Variants in PRKCA observed in about 807,000 individuals in gnomAD.
PRKCA encodes the protein protein kinase C alpha, also known as protein kinase C alpha type.
Under a neutral mutation model 87.0 loss-of-function variants are expected in PRKCA, and 27 were observed. That is an observed-to-expected ratio of 0.31 (90% CI 0.23 to 0.43). PRKCA has a LOEUF of 0.43. Among genes scored for constraint, PRKCA ranks in the 20% least tolerant of loss-of-function variants. PRKCA has a pLI of 1.00. For synonymous variants in PRKCA, 329 were observed against 311.1 expected (o/e 1.06, Z -0.61); for missense variants, 518 against 852.3 (o/e 0.61, Z 4.88).
rs779575611 is a variant in PRKCA, at chr17:66,579,481, G to A, written c.289-61874G>A. 2.1e-4 allele frequency among the ~76,000 whole-genome samples: 32 copies of A among 152,204 alleles called. 1 individual carries two copies. The highest frequency in any genetic ancestry group is 3.5e-4 in the Non-Finnish European group (24 of 68,032). On this transcript the variant is annotated intron_variant, in intron 3 of 16. Coordinates refer to ENST00000413366, the MANE Select transcript of PRKCA (RefSeq NM_002737.3). ...GGTTTACCGTGTCAGGCACGGGTCT[G>A]TGTTACCTCATCACGTCCTCATACG...
intron 2 of PRKCA, among the ~76,000 whole-genome samples, chr17:66,474,729 A>G (rs764008403): frequency 3.3e-5 from 5 of 152,236 alleles, no homozygotes; most frequent in Admixed American, 6.5e-5. Context: ...ATTATTAACA[A>G]CAACTAAAGC....
At chr17:66,750,446 C>T (rs144803385) in intron 13 of PRKCA, among the ~76,000 whole-genome samples, 19 of 152,202 alleles carry the variant, frequency 1.2e-4, no homozygotes, top group East Asian at 1.2e-3. Context: ...TTAAGTTGTG[C>T]GATTCTCAGA....
intron 11 of PRKCA, among the ~76,000 whole-genome samples, chr17:66,740,329 G>A (rs1039070277): frequency 6.6e-6 from 1 of 152,096 alleles, no homozygotes; most frequent in Non-Finnish European, 1.5e-5. Flanking sequence ...TCACCTCTCA[G>A]GGGCCAGGAA....
chr17:66,441,708 C>T (rs1263094379), intron 2 of PRKCA, among the ~76,000 whole-genome samples: 1 of 152,032 alleles, frequency 6.6e-6, no homozygotes, highest in East Asian at 1.9e-4. Context: ...AACCTGTAGC[C>T]AGTTTTCATG....
At chr17:66,675,015 A>G (rs1972289571) in intron 5 of PRKCA, among the ~76,000 whole-genome samples, 1 of 152,232 alleles carries the variant, frequency 6.6e-6, no homozygotes, top group South Asian at 2.1e-4. Context: ...TCCTATCCAA[A>G]GGCAGATCCC....
intron 8 of PRKCA, among the ~76,000 whole-genome samples, chr17:66,697,824 C>T (rs1972962943): frequency 6.6e-6 from 1 of 151,716 alleles, no homozygotes; most frequent in Non-Finnish European, 1.5e-5. Context: ...CTAAATGTGC[C>T]CCCATGGACA....
At chr17:66,308,488 AT>A (rs1464705827) in intron 2 of PRKCA, among the ~76,000 whole-genome samples, 1 of 152,190 alleles carries the variant, frequency 6.6e-6, no homozygotes, top group Non-Finnish European at 1.5e-5. Flanking sequence ...AACCAGACAA[AT>A]TAGAGAAGTG....
At chr17:66,526,660 A>G (rs1247302375) in intron 3 of PRKCA, among the ~76,000 whole-genome samples, 1 of 152,170 alleles carries the variant, frequency 6.6e-6, no homozygotes, top group Admixed American at 6.5e-5. Context: ...AGTGAGTCAC[A>G]TGGCTAAGCT....
At chr17:66,777,535 C>G in intron 14 of PRKCA, 5 of 983,192 alleles carry the variant, frequency 5.1e-6, no homozygotes, top group Non-Finnish European at 6.0e-6. Flanking sequence ...GCTGGAGAAA[C>G]AGGAGTTGTC....
At chr17:66,307,606 G>A (rs62069936) in intron 2 of PRKCA, among the ~76,000 whole-genome samples, 20,456 of 152,096 alleles carry the variant, frequency 0.13, 1,630 homozygotes, top group South Asian at 0.25. Context: ...AAAAAATAAG[G>A]TTGATTAGAA....
Position 66,803,835 on chromosome 17 carries a change from TTGAC to T in PRKCA, c.1855-33_1855-30del, listed in dbSNP as rs748269407. 7.5e-6 allele frequency: 12 copies of T among 1,605,888 alleles called. No individual in the cohort carries two copies. The highest frequency in any genetic ancestry group is 1.0e-5 in the Non-Finnish European group (12 of 1,174,502). On this transcript the variant is annotated intron_variant, in intron 16 of 16. Coordinates refer to ENST00000413366, the MANE Select transcript of PRKCA (RefSeq NM_002737.3). This position sits in a 1 kb window ranked among gnomAD's most constrained non-coding sequence, Gnocchi z 4.4. ...GGAGAGCTGCTCCCGCATTGTCATG[TTGAC>T]TGACCTTTCCTTCTTTTTGTCTTTT...
intron 2 of PRKCA, among the ~76,000 whole-genome samples, chr17:66,336,755 TG>T (rs1906708334): frequency 1.5e-4 from 2 of 12,924 alleles, no homozygotes; most frequent in Non-Finnish European, 4.1e-4. Context: ...CAAATAAGTT[TG>T]TGTGTGTGTG....
chr17:66,659,355 A>G (rs1459723302), intron 5 of PRKCA, among the ~76,000 whole-genome samples: 1 of 152,060 alleles, frequency 6.6e-6, no homozygotes, highest in Non-Finnish European at 1.5e-5. Context: ...AGGGAAGAAA[A>G]TAGGGTACTC....
chr17:66,489,582 G>A (rs921879847), intron 2 of PRKCA, among the ~76,000 whole-genome samples: 2 of 151,610 alleles, frequency 1.3e-5, no homozygotes, highest in African/African-American at 4.8e-5. Flanking sequence ...AGGGTGCAAG[G>A]AACACGTCTC....
At position 66,323,114 on chromosome 17, in the gene PRKCA, A is replaced by G. The variant is rs575905938; in HGVS notation, c.205+16987A>G. On this transcript the variant is annotated intron_variant, in intron 2 of 16. Transcript: ENST00000413366. ...TGCAAATGTCCTTAAATCTTTTTTA[A>G]ATGATCACTTCCTCCTCCATCTCCT... Among the ~76,000 whole-genome samples, 8 of 152,278 alleles carry G rather than the reference A, an allele frequency of 5.3e-5. No homozygotes were observed. The South Asian group carries it at 1.5e-3, about 28-fold the overall frequency.
intron 9 of PRKCA, 91 bp downstream of exon 9, chr17:66,732,916 T>A: frequency 6.9e-7 from 1 of 1,449,732 alleles, no homozygotes. Context: ...AATAGCACAT[T>A]AGATTTCCCT....
At chr17:66,734,123 C>A (rs1195203332) in intron 9 of PRKCA, among the ~76,000 whole-genome samples, 1 of 152,190 alleles carries the variant, frequency 6.6e-6, no homozygotes, top group Non-Finnish European at 1.5e-5. Context: ...TAACTATTTC[C>A]TTAACTTTAA....
rs147644487 is a variant in PRKCA, at chr17:66,662,151, T to C, written c.529+16640T>C. On this transcript the variant is annotated intron_variant, in intron 5 of 16. Transcript: ENST00000413366. ...TCCCTGAATCATCGCCACAAGGCCC[T>C]CTCAGGTCAGGAAACTGATGTGTCT... Among the ~76,000 whole-genome samples the C allele has an allele frequency of 2.8e-3, 420 of 152,306 alleles. 8 individuals are homozygous for C. Among genetic ancestry groups the C allele is most frequent in the Admixed American group, 0.026 (402 of 15,300 alleles).
At chr17:66,452,024 A>G (rs1261667111) in intron 2 of PRKCA, among the ~76,000 whole-genome samples, 1 of 152,226 alleles carries the variant, frequency 6.6e-6, no homozygotes, top group African/African-American at 2.4e-5. Flanking sequence ...CACAGCCTCC[A>G]GCAGACATTT....
Sources: gnomAD v4.1 joint callset for allele counts (sites outside exome capture counted in the v4.1 genomes callset) on GRCh38, gnomAD v4.1.1 for gene constraint, Gnocchi (gnomAD v3.1) non-coding constraint, MANE v1.5 for transcripts, NCBI Gene and HGNC (gene_info 2026-07-23, HGNC 2026-07-21) for gene names.